Variants in ALMS1 observed in about 807,000 individuals in gnomAD.
ALMS1 encodes centrosome-associated protein ALMS1.
In ALMS1, 271 loss-of-function variants were observed where a neutral mutation model predicts 352.2. The observed-to-expected ratio is 0.77, with a 90% CI of 0.70 to 0.85. ALMS1 has a LOEUF of 0.85. Among genes scored for constraint, ALMS1 ranks in the 40% least tolerant of loss-of-function variants. The probability of loss-of-function intolerance (pLI) is 0.00; values close to 1 mark genes in which losing one functional copy is unlikely to be tolerated. For missense variants in ALMS1, 5,445 were observed against 4,870.7 expected, an observed-to-expected ratio of 1.12 and a Z score of -3.51; for synonymous variants, 1,865 against 1,761.2, an observed-to-expected ratio of 1.06 and a Z score of -1.48.
intron 9 of ALMS1, among the ~76,000 whole-genome samples, chr2:73,462,138 C>T (rs1373520834): frequency 6.6e-6 from 1 of 151,932 alleles, no homozygotes. Flanking sequence ...AGAGCAACTC[C>T]AAGACACATT....
At chr2:73,479,918 G>A (rs1672660162) in intron 9 of ALMS1, among the ~76,000 whole-genome samples, 1 of 152,012 alleles carries the variant, frequency 6.6e-6, no homozygotes, top group African/African-American at 2.4e-5. Flanking sequence ...CATTCTAATA[G>A]GTATGTAGTG....
intron 12 of ALMS1, among the ~76,000 whole-genome samples, chr2:73,541,928 G>A (rs772518331): frequency 6.6e-6 from 1 of 152,106 alleles, no homozygotes; most frequent in Non-Finnish European, 1.5e-5. Flanking sequence ...CAGCCGAATT[G>A]TACCAGAGGT....
chr2:73,416,573 C>T (rs561914621), intron 2 of ALMS1, among the ~76,000 whole-genome samples: 4 of 152,090 alleles, frequency 2.6e-5, no homozygotes, highest in Middle Eastern at 3.4e-3. Flanking sequence ...AAAATGTTTG[C>T]GAAAATATTT....
intron 15 of ALMS1, among the ~76,000 whole-genome samples, chr2:73,559,556 G>C (rs753450363): frequency 6.6e-6 from 1 of 151,920 alleles, no homozygotes; most frequent in Non-Finnish European, 1.5e-5. Flanking sequence ...TTGTCCATGG[G>C]TCTCTTTTTC....
intron 16 of ALMS1, among the ~76,000 whole-genome samples, chr2:73,591,803 G>A (rs889880272): frequency 6.6e-6 from 1 of 152,120 alleles, no homozygotes; most frequent in Non-Finnish European, 1.5e-5. Flanking sequence ...CTACTTCCAG[G>A]CTGTAGTTTT....
Position 73,537,068 on chromosome 2 carries a change from C to T in ALMS1, c.9907+2119C>T, listed in dbSNP as rs74846744. On this transcript the variant is annotated intron_variant, in intron 12 of 22. Coordinates refer to ENST00000613296, the MANE Select transcript of ALMS1 (RefSeq NM_001378454.1). ...CCTATCTAGTGGTTCCGTGAAGATT[C>T]CACACAAAAGGCTTATCTTTACTTG... Among the ~76,000 whole-genome samples, 1,501 of 152,220 alleles carry T rather than the reference C, an allele frequency of 9.9e-3. 29 individuals carry two copies. The highest frequency in any genetic ancestry group is 0.034 in the African/African-American group (1,409 of 41,524).
chr2:73,483,914 T>C (rs1269761941), intron 9 of ALMS1, among the ~76,000 whole-genome samples: 1 of 147,590 alleles, frequency 6.8e-6, no homozygotes, highest in African/African-American at 2.5e-5. Context: ...TTTTTTGTTT[T>C]CCATTTGCTT....
intron 1 of ALMS1, among the ~76,000 whole-genome samples, chr2:73,388,398 G>A (rs184871205): frequency 3.3e-5 from 5 of 152,156 alleles, no homozygotes; most frequent in Non-Finnish European, 2.9e-5. Context: ...GTACGTGATA[G>A]TGTAACATTG....
chr2:73,585,885 C>A (rs926983156), intron 16 of ALMS1, among the ~76,000 whole-genome samples: 2 of 152,190 alleles, frequency 1.3e-5, no homozygotes, highest in East Asian at 3.9e-4. Context: ...CCTACCACCA[C>A]GCCTGGCCAA....
chr2:73,486,374 G>C (rs1357899185), intron 9 of ALMS1, among the ~76,000 whole-genome samples: 1 of 152,130 alleles, frequency 6.6e-6, no homozygotes, highest in Non-Finnish European at 1.5e-5. Context: ...AGTAAGTCCT[G>C]GGTTCCTCAC....
At chr2:73,595,361 C>T (rs1675523431) in intron 16 of ALMS1, among the ~76,000 whole-genome samples, 1 of 152,192 alleles carries the variant, frequency 6.6e-6, no homozygotes, top group African/African-American at 2.4e-5. Flanking sequence ...TCTCATCTGC[C>T]TTCTGTCTCT....
At chr2:73,525,843 CTT>C (rs1673779905) in intron 11 of ALMS1, among the ~76,000 whole-genome samples, 1 of 152,164 alleles carries the variant, frequency 6.6e-6, no homozygotes, top group African/African-American at 2.4e-5. Flanking sequence ...CTCAAGAAAT[CTT>C]TGCCAATATT....
In ALMS1 at chr2:73,558,978, G is replaced by GTGC. The variant is rs760731440; in HGVS notation, c.10233_10235dup (p.Ala3412dup). On this transcript the variant is annotated inframe_insertion, in exon 15 of 23. Coordinates refer to ENST00000613296, the MANE Select transcript of ALMS1 (RefSeq NM_001378454.1). ...GTTAATTTCCCTTTCGTAGATTCCA[G>GTGC]TGCTGCTGCTGCTGCAGAGCACTCA... 3.1e-6 allele frequency: 5 copies of GTGC among 1,613,762 alleles called. No homozygotes were observed. In the Admixed American group the frequency reaches 5.0e-5, roughly 16 times the overall value.
intron 1 of ALMS1, among the ~76,000 whole-genome samples, chr2:73,406,884 C>T (rs1214786076): frequency 6.6e-6 from 1 of 152,148 alleles, no homozygotes; most frequent in Non-Finnish European, 1.5e-5. Context: ...GCCTTGCCTC[C>T]CAAAGTGCTG....
rs1671843919 is a variant in ALMS1 at position 73,448,122 on chromosome 2, A to G, written c.1595A>G (p.Gln532Arg). 1 of 1,613,972 alleles carries G rather than the reference A, an allele frequency of 6.2e-7. No individual in the cohort carries two copies. The highest frequency in any genetic ancestry group is 2.2e-5 in the East Asian group (1 of 44,888). Reference sequence around the variant, plus strand: ...TCTCCTCTAGAAACTACTACTGGTCAACACACTGATACTCTCAACCAAAAG... The same window carrying G: ...TCTCCTCTAGAAACTACTACTGGTCGACACACTGATACTCTCAACCAAAAG... The part of the protein sequence containing the change: ...VSSPLETTTG[Q>R]HTDTLNQKTL... Residue 532 changes from glutamine (Q) to arginine (R), a missense_variant, in exon 8 of 23, where the codon CAA (glutamine) becomes CGA (arginine). Gln to Arg is a conservative substitution (Grantham distance 43). Coordinates refer to ENST00000613296, the MANE Select transcript of ALMS1 (RefSeq NM_001378454.1).
At chr2:73,412,894 C>T (rs1159592577) in intron 2 of ALMS1, among the ~76,000 whole-genome samples, 4 of 152,012 alleles carry the variant, frequency 2.6e-5, no homozygotes, top group Admixed American at 1.3e-4. Context: ...ACTGTTTTTC[C>T]AAAGTGGCTG....
At chr2:73,437,586 C>T (rs527727524) in intron 7 of ALMS1, among the ~76,000 whole-genome samples, 2 of 152,158 alleles carry the variant, frequency 1.3e-5, no homozygotes, top group Non-Finnish European at 2.9e-5. Flanking sequence ...CTTTATGGAT[C>T]GTATCTACTG....
intron 10 of ALMS1, among the ~76,000 whole-genome samples, chr2:73,508,740 A>C (rs1308060918): frequency 6.6e-6 from 1 of 151,940 alleles, no homozygotes; most frequent in Non-Finnish European, 1.5e-5. Context: ...TCAATTCCTG[A>C]ATATCCTTGA....
chr2:73,518,486 A>G (rs914172197), intron 10 of ALMS1, among the ~76,000 whole-genome samples: 4 of 152,166 alleles, frequency 2.6e-5, no homozygotes, highest in East Asian at 1.9e-4. Context: ...GTACACAGCA[A>G]TGGATTGCTG....
Sources: allele counts gnomAD v4.1 joint callset (sites outside exome capture counted in the v4.1 genomes callset), GRCh38; gene constraint gnomAD v4.1.1; transcripts MANE v1.5; gene names NCBI Gene and HGNC (gene_info 2026-07-23, HGNC 2026-07-21).